The following SORCS1 variants were observed in gnomAD, a reference collection of about 807,000 sequenced individuals.
The protein encoded by SORCS1 is VPS10 domain-containing receptor SorCS1.
A neutral mutation model predicts 146.1 loss-of-function variants in SORCS1; 60 were observed. That is an observed-to-expected ratio of 0.41 (90% CI 0.33 to 0.51). The LOEUF is 0.51. Among genes scored for constraint, SORCS1 ranks in the 20% least tolerant of loss-of-function variants. The probability of loss-of-function intolerance (pLI) is 0.21; values close to 1 mark genes in which losing one functional copy is unlikely to be tolerated. For missense variants in SORCS1, 1,352 were observed against 1,487.6 expected (o/e 0.91, Z 1.50); for synonymous variants, 637 against 584.0 (o/e 1.09, Z -1.31).
chr10:107,164,555 G>A lies in SORCS1; in HGVS notation c.-29C>T. ...GGGAGCGAAGAGCAGCGGAGAGAGG[G>A]GTCCCAGAACGAAGGTGGCGGCACG... On this transcript the variant is annotated 5_prime_UTR_variant, in exon 1 of 26. Transcript: ENST00000263054. This position sits in a 1 kb window ranked among gnomAD's most constrained non-coding sequence, Gnocchi z 6.8. 3.0e-6 allele frequency: 4 copies of A among 1,328,028 alleles called. No homozygotes were observed. The highest frequency in any genetic ancestry group is 2.1e-5 in the South Asian group (1 of 47,768). The allele number at this position is 1,328,028 out of a possible 1,614,324, so 82.3% of individuals were successfully genotyped here.
At chr10:106,580,726 C>A (rs767583767) in intron 24 of SORCS1, among the ~76,000 whole-genome samples, 1 of 152,200 alleles carries the variant, frequency 6.6e-6, no homozygotes, top group African/African-American at 2.4e-5. Flanking sequence ...TGGTCTCAGA[C>A]AAGACTCTCA....
At chr10:106,730,341 C>A (rs747275206) in intron 5 of SORCS1, among the ~76,000 whole-genome samples, 2 of 152,190 alleles carry the variant, frequency 1.3e-5, no homozygotes, top group Non-Finnish European at 2.9e-5. Flanking sequence ...TGCATTCTAG[C>A]AAGGATGTTG....
intron 3 of SORCS1, among the ~76,000 whole-genome samples, chr10:106,815,469 G>A (rs1304731884): frequency 6.6e-6 from 1 of 152,148 alleles, no homozygotes; most frequent in Non-Finnish European, 1.5e-5. Context: ...AATGAACCAT[G>A]GGCAAAACTT....
intron 2 of SORCS1, among the ~76,000 whole-genome samples, chr10:106,935,614 T>C (rs1026642331): frequency 6.6e-6 from 1 of 152,242 alleles, no homozygotes; most frequent in African/African-American, 2.4e-5. Context: ...CAGCAATTAT[T>C]AGAAATGTAG....
intron 2 of SORCS1, among the ~76,000 whole-genome samples, chr10:106,892,526 G>C (rs922840422): frequency 6.6e-6 from 1 of 152,120 alleles, no homozygotes; most frequent in African/African-American, 2.4e-5. Context: ...GAATAACAAA[G>C]TTGTACATAC....
At chr10:106,670,146 A>G (rs1237290356) in intron 16 of SORCS1, among the ~76,000 whole-genome samples, 1 of 152,264 alleles carries the variant, frequency 6.6e-6, no homozygotes, top group Non-Finnish European at 1.5e-5. Context: ...AAAACCAAAA[A>G]GAAGAGGGAA....
At chr10:106,952,055 A>G (rs1954711708) in intron 2 of SORCS1, among the ~76,000 whole-genome samples, 1 of 152,168 alleles carries the variant, frequency 6.6e-6, no homozygotes, top group Non-Finnish European at 1.5e-5. Context: ...ATGAGATGCC[A>G]GGCCTCTCAT....
intron 17 of SORCS1, among the ~76,000 whole-genome samples, chr10:106,662,291 A>C (rs1221739971): frequency 6.6e-6 from 1 of 152,202 alleles, no homozygotes; most frequent in African/African-American, 2.4e-5. Context: ...GAAAGTAACC[A>C]TAGACATTTA....
intron 1 of SORCS1, among the ~76,000 whole-genome samples, chr10:106,990,198 G>A (rs891586104): frequency 6.6e-6 from 1 of 152,132 alleles, no homozygotes; most frequent in African/African-American, 2.4e-5. Context: ...ATCCAGTCAA[G>A]CTCTGACTAA....
intron 1 of SORCS1, among the ~76,000 whole-genome samples, chr10:107,046,039 C>T (rs1032171019): frequency 1.4e-4 from 22 of 151,802 alleles, no homozygotes; most frequent in South Asian, 4.2e-4. Flanking sequence ...TTCTGCCTCC[C>T]GGGTTCAAGC....
chr10:106,633,758 A>G (rs1848570112), intron 18 of SORCS1, among the ~76,000 whole-genome samples: 1 of 152,228 alleles, frequency 6.6e-6, no homozygotes, highest in Non-Finnish European at 1.5e-5. Flanking sequence ...TGGTTTTGAA[A>G]TCAGTGATTC....
chr10:106,603,092 C>A (rs932201551), intron 23 of SORCS1, among the ~76,000 whole-genome samples: 1 of 152,098 alleles, frequency 6.6e-6, no homozygotes, highest in Non-Finnish European at 1.5e-5. Flanking sequence ...AAAGACAACA[C>A]ACCTAGGCTC....
chr10:106,990,243 T>G (rs375005565), intron 1 of SORCS1, among the ~76,000 whole-genome samples: 8 of 152,250 alleles, frequency 5.3e-5, no homozygotes, highest in East Asian at 1.9e-4. Flanking sequence ...AACAAGGCCT[T>G]CTAACAGATT....
intron 2 of SORCS1, among the ~76,000 whole-genome samples, chr10:106,891,373 C>T (rs1951222493): frequency 6.6e-6 from 1 of 152,028 alleles, no homozygotes; most frequent in South Asian, 2.1e-4. Flanking sequence ...TGATCAGAAT[C>T]AATGAAAATA....
intron 1 of SORCS1, among the ~76,000 whole-genome samples, chr10:107,028,915 T>G (rs373475700): frequency 3.3e-4 from 51 of 152,340 alleles, no homozygotes; most frequent in African/African-American, 1.2e-3. Context: ...TTGTTCATCA[T>G]TAAAATGAAT....
intron 1 of SORCS1, among the ~76,000 whole-genome samples, chr10:107,148,222 C>A (rs946769727): frequency 6.6e-5 from 10 of 152,186 alleles, no homozygotes; most frequent in African/African-American, 2.4e-4. Flanking sequence ...TACTGTGCCT[C>A]ACTGCTTACA....
chr10:106,958,988 T>C (rs1055815348), intron 1 of SORCS1, among the ~76,000 whole-genome samples: 1 of 152,082 alleles, frequency 6.6e-6, no homozygotes, highest in Non-Finnish European at 1.5e-5. Flanking sequence ...GCTCTCCTGA[T>C]ACAAGACCGC....
At chr10:106,762,055 C>T (rs149250221) in intron 4 of SORCS1, among the ~76,000 whole-genome samples, 6 of 152,204 alleles carry the variant, frequency 3.9e-5, no homozygotes, top group East Asian at 3.9e-4. Context: ...TGGAAGAGTA[C>T]GCAATGTAAC....
At chr10:106,689,186 G>C (rs563930075) in intron 9 of SORCS1, among the ~76,000 whole-genome samples, 1 of 152,256 alleles carries the variant, frequency 6.6e-6, no homozygotes, top group Admixed American at 6.5e-5. Context: ...CTATATGTTA[G>C]GTAAGAAGTA....
Sources: allele counts gnomAD v4.1 joint callset (sites outside exome capture counted in the v4.1 genomes callset), GRCh38; gene constraint gnomAD v4.1.1; non-coding constraint Gnocchi (gnomAD v3.1); transcripts MANE v1.5; gene names NCBI Gene and HGNC (gene_info 2026-07-23, HGNC 2026-07-21).